Variants in CALN1 observed in about 807,000 individuals in gnomAD.
The protein encoded by CALN1 is calneuron 1.
CALN1 carries 17 observed loss-of-function variants against 30.6 expected under a neutral mutation model. The observed-to-expected ratio is 0.56, with a 90% confidence interval of 0.38 to 0.83. The LOEUF is 0.83. Among genes scored for constraint, CALN1 ranks in the 40% least tolerant of loss-of-function variants. The pLI, the probability that CALN1 is intolerant of heterozygous loss-of-function variation, is 0.00. For missense variants in CALN1, 291 were observed against 354.9 expected, an observed-to-expected ratio of 0.82 and a Z score of 1.45; for synonymous variants, 156 against 131.4, an observed-to-expected ratio of 1.19 and a Z score of -1.28.
chr7:72,489,447 TG>T, the CALN1 span, among the ~76,000 whole-genome samples: 1 of 152,252 alleles, frequency 6.6e-6, no homozygotes, highest in South Asian at 2.1e-4. Context: ...TGATGTCCTA[TG>T]AAGTGTGAGG....
intron 5 of CALN1, among the ~76,000 whole-genome samples, chr7:71,850,574 G>A (rs1478616241): frequency 6.6e-6 from 1 of 152,176 alleles, no homozygotes; most frequent in East Asian, 1.9e-4. Context: ...GATATTATTT[G>A]TGGAAAAAGA....
chr7:72,335,169 C>CA (rs1347285594), intron 2 of CALN1, among the ~76,000 whole-genome samples: 1 of 152,130 alleles, frequency 6.6e-6, no homozygotes, highest in Non-Finnish European at 1.5e-5. Context: ...TCCCACCCCA[C>CA]AAAAAATGAA....
chr7:72,502,815 T>C, the CALN1 span, among the ~76,000 whole-genome samples: 7 of 152,198 alleles, frequency 4.6e-5, no homozygotes, highest in African/African-American at 1.7e-4. Flanking sequence ...TTGGAGTTCA[T>C]AATTGTCTCA....
At chr7:72,263,549 C>T (rs1041961362) in intron 3 of CALN1, among the ~76,000 whole-genome samples, 2 of 152,078 alleles carry the variant, frequency 1.3e-5, no homozygotes, top group African/African-American at 4.8e-5. Context: ...GTACCCACCA[C>T]CATGCCTGGC....
intron 5 of CALN1, among the ~76,000 whole-genome samples, chr7:71,820,403 CAT>C (rs1049346348): frequency 6.6e-6 from 1 of 152,200 alleles, no homozygotes; most frequent in Admixed American, 6.5e-5. Flanking sequence ...ACCTTGGGCA[CAT>C]GTTCTCAGGA....
chr7:72,043,802 T>C (rs1347953499), intron 4 of CALN1, among the ~76,000 whole-genome samples: 1 of 152,110 alleles, frequency 6.6e-6, no homozygotes, highest in Admixed American at 6.6e-5. Flanking sequence ...ATGCTGCTGA[T>C]AAAGACACAC....
At chr7:72,381,099 C>G (rs1189200017) in intron 2 of CALN1, among the ~76,000 whole-genome samples, 6 of 152,244 alleles carry the variant, frequency 3.9e-5, no homozygotes, top group Middle Eastern at 3.4e-3. Flanking sequence ...AAGAGAAAAA[C>G]TAGAAGAGCT....
intron 3 of CALN1, among the ~76,000 whole-genome samples, chr7:72,271,323 G>A (rs1585318920): frequency 1.3e-5 from 2 of 152,058 alleles, no homozygotes; most frequent in Non-Finnish European, 2.9e-5. Flanking sequence ...GACAAAGAGT[G>A]TGCCTCATAC....
intron 2 of CALN1, among the ~76,000 whole-genome samples, chr7:72,370,862 A>G (rs768600903): frequency 7.9e-5 from 12 of 151,954 alleles, no homozygotes; most frequent in African/African-American, 1.9e-4. Context: ...CCAGGCCAAC[A>G]TGGTGAAGCC....
intron 4 of CALN1, among the ~76,000 whole-genome samples, chr7:72,088,432 C>T (rs1369245897): frequency 2.0e-5 from 3 of 152,112 alleles, no homozygotes; most frequent in East Asian, 3.9e-4. Context: ...GGCGCAGTGG[C>T]TCACACCTGT....
intron 2 of CALN1, among the ~76,000 whole-genome samples, chr7:72,338,783 A>G (rs1429714994): frequency 6.6e-6 from 1 of 152,076 alleles, no homozygotes; most frequent in Admixed American, 6.6e-5. Context: ...CATTCCCTCA[A>G]ACATTCATCC....
chr7:72,041,729 G>C (rs1199450746), intron 4 of CALN1, among the ~76,000 whole-genome samples: 2 of 152,134 alleles, frequency 1.3e-5, no homozygotes, highest in Non-Finnish European at 2.9e-5. Context: ...CACGTGTCAT[G>C]GGAGGGACCC....
chr7:72,321,514 A>G (rs985403700), intron 2 of CALN1, among the ~76,000 whole-genome samples: 1 of 152,194 alleles, frequency 6.6e-6, no homozygotes, highest in African/African-American at 2.4e-5. Flanking sequence ...CGAAAATCGT[A>G]AACGTAATTG....
intron 2 of CALN1, among the ~76,000 whole-genome samples, chr7:72,284,291 T>A (rs1585357691): frequency 6.6e-6 from 1 of 152,290 alleles, no homozygotes; most frequent in Non-Finnish European, 1.5e-5. Flanking sequence ...GGAGACCTTG[T>A]CTCTAAAAAG....
intron 5 of CALN1, among the ~76,000 whole-genome samples, chr7:71,986,665 G>A (rs554776298): frequency 2.0e-5 from 3 of 151,814 alleles, no homozygotes; most frequent in Non-Finnish European, 2.9e-5. Flanking sequence ...ACTTAAAACC[G>A]GGAAGAAAAC....
chr7:72,472,747 A>G, the CALN1 span, among the ~76,000 whole-genome samples: 1 of 151,894 alleles, frequency 6.6e-6, no homozygotes, highest in African/African-American at 2.4e-5. Context: ...ACACCACTAC[A>G]CTCCAGCCTG....
At chr7:72,322,629 G>A (rs900057996) in intron 2 of CALN1, among the ~76,000 whole-genome samples, 2 of 152,020 alleles carry the variant, frequency 1.3e-5, no homozygotes, top group Non-Finnish European at 2.9e-5. Context: ...AACTCATAGA[G>A]ATAGAGAGTA....
At chr7:71,890,425 C>A (rs986810653) in intron 5 of CALN1, among the ~76,000 whole-genome samples, 1 of 152,114 alleles carries the variant, frequency 6.6e-6, no homozygotes, top group Admixed American at 6.5e-5. Context: ...ACTCATCTTC[C>A]CTTCCCTCCT....
intron 4 of CALN1, among the ~76,000 whole-genome samples, chr7:72,083,842 CA>C (rs1805311979): frequency 2.0e-5 from 3 of 151,682 alleles, no homozygotes; most frequent in Non-Finnish European, 4.4e-5. Context: ...TCGCTTGAAC[CA>C]TATCTAAGTA....
Sources: allele counts gnomAD v4.1 joint callset (sites outside exome capture counted in the v4.1 genomes callset), GRCh38; gene constraint gnomAD v4.1.1; transcripts MANE v1.5; gene names NCBI Gene and HGNC (gene_info 2026-07-23, HGNC 2026-07-21).